The following GPS1 variants were observed in gnomAD, a reference collection of about 807,000 sequenced individuals.
GPS1 encodes G protein pathway suppressor 1.
Under a neutral mutation model 60.0 loss-of-function variants are expected in GPS1, and 11 were observed. The observed-to-expected ratio is 0.18, with a 90% CI of 0.12 to 0.30. GPS1 has a LOEUF of 0.30. Ranked by LOEUF, GPS1 falls within the 10% of genes least tolerant of loss-of-function variation. The pLI, the probability that GPS1 is intolerant of heterozygous loss-of-function variation, is 1.00. For synonymous variants in GPS1, 343 were observed against 269.8 expected, an observed-to-expected ratio of 1.27 and a Z score of -2.66; for missense variants, 543 against 669.2, an observed-to-expected ratio of 0.81 and a Z score of 2.08.
rs1188270419 is a variant in GPS1, at chr17:82,057,376, A to G, written c.*249A>G. ...CCAGGGAGCAGACTGTGCGGCACCCAGGCCCAGTGGCACCATTTCCCAGAC... is the reference window on the plus strand; with the variant it reads ...CCAGGGAGCAGACTGTGCGGCACCCGGGCCCAGTGGCACCATTTCCCAGAC... On this transcript the variant is annotated 3_prime_UTR_variant, in exon 13 of 13. Coordinates refer to ENST00000578552, the MANE Select transcript of GPS1 (RefSeq NM_001321092.3). 4.4e-6 allele frequency: 3 copies of G among 681,264 alleles called. No individual in the cohort carries two copies. The highest frequency in any genetic ancestry group is 8.1e-6 in the Non-Finnish European group (3 of 371,766). 42.2% of individuals were successfully genotyped at this position (681,264 alleles called of 1,614,324 possible).
chr17:82,052,123 C>A, intron 1 of GPS1, 159 bp downstream of exon 1: 1 of 904,330 alleles, frequency 1.1e-6, no homozygotes, highest in Non-Finnish European at 1.4e-6. Flanking sequence ...GCTGCAGGGC[C>A]GAGGGCGCGT....
chr17:82,057,149 G>A lies in GPS1; in HGVS notation c.*22G>A, dbSNP rs752328214. 2.6e-6 allele frequency: 4 copies of A among 1,567,524 alleles called. No homozygotes were observed. Among genetic ancestry groups the A allele is most frequent in the South Asian group, 1.2e-5 (1 of 84,014 alleles). On this transcript the variant is annotated 3_prime_UTR_variant, in exon 13 of 13. Coordinates refer to ENST00000578552, the MANE Select transcript of GPS1 (RefSeq NM_001321092.3). ...GTGAGGGGTGAACCTTGGCCTCCAG[G>A]ACATCTGCACCCCCTCCCCACCTCC...
At chr17:82,051,073 G>A (rs1040002705), upstream of GPS1, 6 of 1,369,472 alleles carry the variant, frequency 4.4e-6, no homozygotes, top group Admixed American at 6.9e-5. This position sits in a 1 kb window ranked among gnomAD's most constrained non-coding sequence, Gnocchi z 4.1. Flanking sequence ...CTAGCCCCAC[G>A]CCCCGGGAAG....
At chr17:82,053,206 G>A in intron 1 of GPS1, 68 bp from the exon 2 acceptor site, 2 of 1,281,572 alleles carry the variant, frequency 1.6e-6, no homozygotes, top group South Asian at 1.7e-5. Flanking sequence ...TCAGAGAACA[G>A]TGCGGGTCTC....
At chr17:82,053,598 C>A (rs2031670253) in intron 2 of GPS1, 2 of 536,920 alleles carry the variant, frequency 3.7e-6, no homozygotes, top group Non-Finnish European at 6.5e-6. Context: ...CCCCGCTCAG[C>A]CTAGCGACCA....
rs140896360 is a variant in GPS1, at chr17:82,053,361, A to T, written c.121A>T (p.Ser41Cys). 230 of 1,498,400 alleles carry T rather than the reference A, an allele frequency of 1.5e-4. No individual in the cohort carries two copies. Among genetic ancestry groups the T allele is most frequent in the Non-Finnish European group, 1.8e-4 (203 of 1,129,782 alleles). 92.8% of individuals were successfully genotyped at this position (1,498,400 alleles called of 1,614,324 possible). A position where few individuals can be genotyped will look rare whatever the true frequency, so the allele number is the denominator to read the frequency against. Residue 41 changes from serine (S) to cysteine (C), a missense_variant, in exon 2 of 13, where the codon AGC becomes TGC. Ser to Cys is a moderately radical substitution (Grantham distance 112). Transcript: ENST00000578552. ...PDVNYVVENP[S>C]LDLEQYAASY... ...CGTCAACTACGTGGTGGAGAACCCC[A>T]GCCTGGTACGGAGCCCAGTGGGGGG...
intron 1 of GPS1, chr17:82,052,894 G>A (rs1268458607): frequency 8.2e-6 from 2 of 244,000 alleles, no homozygotes; most frequent in Non-Finnish European, 1.6e-5. Context: ...GTGGCGTCCC[G>A]TTCTTCTCCG....
rs750713783 is a variant in GPS1, at chr17:82,054,861, G to A, written c.610-37G>A. 8.9e-6 allele frequency: 14 copies of A among 1,569,100 alleles called. No homozygotes were observed. The Admixed American group carries it at 2.3e-4, about 25-fold the overall frequency. On this transcript the variant is annotated intron_variant, in intron 4 of 12. Coordinates refer to ENST00000578552, the MANE Select transcript of GPS1 (RefSeq NM_001321092.3). ...TGGGCAGCATGGCTGGGCCATTGGGGCGCCCGGGCTCACTTGGCTCTGCGC... is the reference window on the plus strand; with the variant it reads ...TGGGCAGCATGGCTGGGCCATTGGGACGCCCGGGCTCACTTGGCTCTGCGC...
rs778774959 is a variant in GPS1, at chr17:82,055,986, G to A, written c.835-15G>A. 21 of 1,594,554 alleles carry A rather than the reference G, an allele frequency of 1.3e-5. No homozygotes were observed. The highest frequency in any genetic ancestry group is 1.6e-5 in the Non-Finnish European group (19 of 1,163,638). On this transcript the variant is annotated splice_polypyrimidine_tract_variant and intron_variant, in intron 7 of 12. Coordinates refer to ENST00000578552, the MANE Select transcript of GPS1 (RefSeq NM_001321092.3). ...GGCCCTTCACTGCCTGTGACGCCAG[G>A]TCTCTGCTCCTCAGCTGCTGTCCCC...
chr17:82,053,381 G>C lies in GPS1; in HGVS notation c.126+15G>C. 2 of 1,456,066 alleles carry C rather than the reference G, an allele frequency of 1.4e-6. No individual in the cohort carries two copies. The highest frequency in any genetic ancestry group is 1.8e-6 in the Non-Finnish European group (2 of 1,105,666). 90.2% of individuals were successfully genotyped at this position (1,456,066 alleles called of 1,614,324 possible). On this transcript the variant is annotated intron_variant, in intron 2 of 12. Transcript: ENST00000578552. ...ACCCCAGCCTGGTACGGAGCCCAGTGGGGGGACCTTGGGTGTCTCAGTCCT... is the reference window on the plus strand; with the variant it reads ...ACCCCAGCCTGGTACGGAGCCCAGTCGGGGGACCTTGGGTGTCTCAGTCCT...
chr17:82,050,997 G>A (rs960826672), upstream of GPS1: 46 of 1,420,578 alleles, frequency 3.2e-5, no homozygotes, highest in Admixed American at 5.9e-5. Flanking sequence ...CAGGACGGAG[G>A]CAGCTCGCCC....
chr17:82,055,145 G>C lies in GPS1; in HGVS notation c.688-17G>C. 6.4e-7 allele frequency: 1 copy of C among 1,564,524 alleles called. No homozygotes were observed. Among genetic ancestry groups the C allele is most frequent in the East Asian group, 2.4e-5 (1 of 41,642 alleles). On this transcript the variant is annotated splice_polypyrimidine_tract_variant and intron_variant, in intron 5 of 12. Coordinates refer to ENST00000578552, the MANE Select transcript of GPS1 (RefSeq NM_001321092.3). ...AATGTGGAGCATGGGCCTCACGCAT[G>C]TGGCTTCCTCCTACAGCAGCGAGGA...
chr17:82,054,178 G>A lies in GPS1; in HGVS notation c.308+129G>A, dbSNP rs938463443. On this transcript the variant is annotated intron_variant, in intron 3 of 12. Transcript: ENST00000578552. ...GGGAAGTCGGGCGGGTAGAGCTCTC[G>A]CTCTCTTTTGGCCAGCAGTGGAAGT... 1.1e-5 allele frequency: 12 copies of A among 1,089,810 alleles called. No individual in the cohort carries two copies. In the East Asian group the frequency reaches 1.8e-4, roughly 17 times the overall value. 67.5% of individuals were successfully genotyped at this position (1,089,810 alleles called of 1,614,324 possible).
intron 1 of GPS1, chr17:82,052,337 TC>T (rs2030971014): frequency 6.2e-7 from 1 of 1,612,894 alleles, no homozygotes; most frequent in East Asian, 2.2e-5. Context: ...CAGCTCGGCC[TC>T]CTCGTCAGTG....
upstream of GPS1, chr17:82,050,983 G>C (rs2030457783): frequency 2.8e-6 from 4 of 1,425,716 alleles, no homozygotes; most frequent in African/African-American, 1.4e-5. Flanking sequence ...CTCTTGAGTG[G>C]AAACAGGACG....
chr17:82,053,993 A>G lies in GPS1; in HGVS notation c.252A>G (p.Arg84=), dbSNP rs1356934310. The change falls in exon 3 of 13, where the codon AGA becomes AGG. Residue 84 remains arginine (R), a synonymous_variant. Transcript: ENST00000578552. ...ALKMALSFVQ[R]TFNVDMYEEI... ...AGATGGCCCTCTCCTTCGTGCAGAGAACCTTTAACGTGGACATGTACGAGG... is the reference window on the plus strand; with the variant it reads ...AGATGGCCCTCTCCTTCGTGCAGAGGACCTTTAACGTGGACATGTACGAGG... 1.2e-6 allele frequency: 2 copies of G among 1,612,720 alleles called. No homozygotes were observed. The highest frequency in any genetic ancestry group is 1.3e-5 in the African/African-American group (1 of 74,916).
At position 82,056,363 on chromosome 17, in the gene GPS1, C is replaced by T. The variant is rs1159455192; in HGVS notation, c.1007C>T (p.Ser336Leu). ...AAATTCTACGAGTCCAAGTACGCCT[C>T]ATGTCTCAAGATGCTGGACGAGATG... ...IFKFYESKYA[S>L]CLKMLDEMKD... The change falls in exon 9 of 13, where the codon TCA (serine) becomes TTA (leucine). Residue 336 changes from serine (S) to leucine (L), a missense_variant. Transcript: ENST00000578552. 1.2e-6 allele frequency: 2 copies of T among 1,613,290 alleles called. No individual in the cohort carries two copies. Among genetic ancestry groups the T allele is most frequent in the East Asian group, 2.2e-5 (1 of 44,876 alleles).
intron 10 of GPS1, 35 bp from the exon 11 acceptor site, chr17:82,056,593 AG>A: frequency 6.2e-7 from 1 of 1,612,412 alleles, no homozygotes. Flanking sequence ...GCGGGCATGC[AG>A]GGGGCTGTGG....
Position 82,054,684 on chromosome 17 carries a change from C to T in GPS1, c.483C>T (p.His161=), listed in dbSNP as rs1209238102. ...TCAAAGAGAGCATCCGGCGCGGCCA[C>T]GACGACCTGGGCGACCACTACCTGG... is the stretch of plus-strand genomic sequence containing the variant. ...NSIKESIRRG[H]DDLGDHYLDC... Residue 161 remains histidine (H), a synonymous_variant, in exon 4 of 13, where the codon CAC becomes CAT. Transcript: ENST00000578552. 8.1e-6 allele frequency: 13 copies of T among 1,611,682 alleles called. No homozygotes were observed. The highest frequency in any genetic ancestry group is 1.6e-4 in the Middle Eastern group (1 of 6,084).
Sources: gnomAD v4.1 joint callset for allele counts on GRCh38, gnomAD v4.1.1 for gene constraint, Gnocchi (gnomAD v3.1) non-coding constraint, MANE v1.5 for transcripts, NCBI Gene and HGNC (gene_info 2026-07-23, HGNC 2026-07-21) for gene names.